TCF12: variants seen among roughly 807,000 people sequenced by gnomAD.
TCF12 encodes transcription factor 12.
A neutral mutation model predicts 86.0 loss-of-function variants in TCF12; 45 were observed. The observed-to-expected ratio is 0.52, with a 90% CI of 0.41 to 0.67. The LOEUF (loss-of-function observed/expected upper bound fraction) is 0.67. Ranked by LOEUF, TCF12 falls within the 30% of genes least tolerant of loss-of-function variation. The pLI is 0.00. For synonymous variants in TCF12, 330 were observed against 299.6 expected (o/e 1.10, Z -1.05); for missense variants, 881 against 859.9 (o/e 1.02, Z -0.31).
chr15:57,072,711 TA>T, intron 4 of TCF12: 1 of 1,305,552 alleles, frequency 7.7e-7, no homozygotes, highest in Non-Finnish European at 1.0e-6. Flanking sequence ...GTCAGAGAAT[TA>T]AAGTAAGTGT....
At chr15:57,037,172 A>G (rs755833347) in intron 3 of TCF12, among the ~76,000 whole-genome samples, 2 of 152,132 alleles carry the variant, frequency 1.3e-5, no homozygotes, top group Admixed American at 1.3e-4. Flanking sequence ...AAGGGGCTCG[A>G]GCACGGTGGC....
In TCF12 at chr15:57,232,721, C is replaced by G; in HGVS notation, c.835C>G (p.Pro279Ala). The stretch of plus-strand genomic sequence containing the variant: ...ATCTCTTTCCATCTAGAGTTATCCT[C>G]CACACTCAGTTTCACCAACAGACAT... ...LHSHDRLSYP[P>A]HSVSPTDINT... Residue 279 changes from proline to alanine, a missense_variant, in exon 11 of 21, where the codon CCA (proline) becomes GCA (alanine). Physicochemically the swap from Pro to Ala is conservative, Grantham distance 27 (BLOSUM62 -1). Around this residue, in one of 3 missense-constraint regions of TCF12, gnomAD observed 766 missense variants for 718.9 expected, o/e 1.07. Coordinates refer to ENST00000333725, the MANE Select transcript of TCF12 (RefSeq NM_207037.2). 6.2e-7 allele frequency: 1 copy of G among 1,611,680 alleles called. No homozygotes were observed. The highest frequency in any genetic ancestry group is 2.2e-5 in the East Asian group (1 of 44,680).
chr15:56,953,672 A>T (rs546688814), intron 3 of TCF12, among the ~76,000 whole-genome samples: 8 of 152,118 alleles, frequency 5.3e-5, no homozygotes, highest in African/African-American at 1.9e-4. Flanking sequence ...TTTCTCAAAG[A>T]TTGTTTATAT....
chr15:57,276,941 A>C (rs533729957), intron 19 of TCF12, among the ~76,000 whole-genome samples: 201 of 151,418 alleles, frequency 1.3e-3, no homozygotes, highest in Middle Eastern at 3.4e-3. Context: ...CATAGCTGGG[A>C]TTACAGGCAC....
intron 3 of TCF12, among the ~76,000 whole-genome samples, chr15:56,995,818 C>T (rs2063685804): frequency 6.6e-6 from 1 of 152,080 alleles, no homozygotes; most frequent in East Asian, 1.9e-4. Context: ...CTAGGACTTC[C>T]AGTACTACAT....
intron 4 of TCF12, among the ~76,000 whole-genome samples, chr15:57,072,911 A>ATCTC (rs1299369394): frequency 2.0e-5 from 3 of 152,190 alleles, no homozygotes; most frequent in African/African-American, 4.8e-5. Context: ...CTGCCTATAA[A>ATCTC]TTATAACCTA....
intron 8 of TCF12, among the ~76,000 whole-genome samples, chr15:57,208,101 T>G (rs1256945070): frequency 1.3e-5 from 2 of 151,552 alleles, no homozygotes; most frequent in African/African-American, 4.8e-5. Flanking sequence ...TGGTGCGATC[T>G]TGGCTCACTG....
chr15:57,127,300 C>CA (rs1567476323), intron 5 of TCF12, among the ~76,000 whole-genome samples: 1 of 151,098 alleles, frequency 6.6e-6, no homozygotes, highest in African/African-American at 2.4e-5. Flanking sequence ...ACTCTTTCTT[C>CA]TTTTTTTTTA....
intron 3 of TCF12, among the ~76,000 whole-genome samples, chr15:56,972,222 G>A (rs1376882606): frequency 6.6e-6 from 1 of 152,128 alleles, no homozygotes; most frequent in Non-Finnish European, 1.5e-5. Context: ...CAGCCCTTTT[G>A]GAAGGAACTT....
At chr15:57,255,127 A>C (rs1374667583) in intron 16 of TCF12, among the ~76,000 whole-genome samples, 1 of 152,166 alleles carries the variant, frequency 6.6e-6, no homozygotes, top group Non-Finnish European at 1.5e-5. Flanking sequence ...TTAATTCTTC[A>C]CTTTTACTAG....
chr15:57,002,392 A>G (rs965550878), intron 3 of TCF12, among the ~76,000 whole-genome samples: 9 of 152,336 alleles, frequency 5.9e-5, no homozygotes, highest in African/African-American at 2.2e-4. Context: ...TTAAAATCAT[A>G]CTCAATCACA....
intron 3 of TCF12, among the ~76,000 whole-genome samples, chr15:56,940,907 C>G (rs911398578): frequency 2.1e-5 from 3 of 145,532 alleles, no homozygotes; most frequent in African/African-American, 5.0e-5. Flanking sequence ...CGTGACCATG[C>G]CCAGCTGCTC....
At chr15:57,076,765 A>G (rs1462674405) in intron 4 of TCF12, among the ~76,000 whole-genome samples, 6 of 152,232 alleles carry the variant, frequency 3.9e-5, no homozygotes, top group African/African-American at 9.6e-5. Context: ...AAGAAATAGT[A>G]AGTTAGGCAG....
chr15:57,017,169 A>G (rs1365904448), intron 3 of TCF12, among the ~76,000 whole-genome samples: 1 of 152,322 alleles, frequency 6.6e-6, no homozygotes, highest in East Asian at 1.9e-4. Flanking sequence ...CACAGTTGAC[A>G]CTGAGATTAT....
intron 5 of TCF12, among the ~76,000 whole-genome samples, chr15:57,122,237 G>A (rs1401058306): frequency 2.0e-5 from 3 of 147,214 alleles, no homozygotes; most frequent in Non-Finnish European, 4.5e-5. Context: ...ATAAAAATTT[G>A]CCTTGTGTTA....
intron 3 of TCF12, among the ~76,000 whole-genome samples, chr15:57,052,851 T>G (rs1305256927): frequency 6.6e-6 from 1 of 152,214 alleles, no homozygotes; most frequent in African/African-American, 2.4e-5. Context: ...ACAGTATAAC[T>G]TCATCCATTG....
chr15:57,265,681 A>G (rs2060829561), intron 18 of TCF12, among the ~76,000 whole-genome samples: 1 of 152,166 alleles, frequency 6.6e-6, no homozygotes, highest in African/African-American at 2.4e-5. Context: ...ATATCAATTA[A>G]CCTATGATAA....
chr15:57,242,491 A>G (rs894519906), intron 12 of TCF12, among the ~76,000 whole-genome samples: 9 of 152,078 alleles, frequency 5.9e-5, no homozygotes, highest in African/African-American at 9.7e-5. Flanking sequence ...CCTGACCAAC[A>G]TGACAAAAAC....
chr15:57,052,412 T>C (rs986989430), intron 3 of TCF12, among the ~76,000 whole-genome samples: 1 of 151,794 alleles, frequency 6.6e-6, no homozygotes, highest in Admixed American at 6.6e-5. Context: ...CAGAGGCAGG[T>C]GGATAACCTG....
Sources: allele counts gnomAD v4.1 joint callset (sites outside exome capture counted in the v4.1 genomes callset), GRCh38; gene constraint gnomAD v4.1.1; regional missense constraint gnomAD v4.1.1; transcripts MANE v1.5; gene names NCBI Gene and HGNC (gene_info 2026-07-23, HGNC 2026-07-21).